Variants in GRID1 observed in about 807,000 individuals in gnomAD.
GRID1 encodes the protein glutamate ionotropic receptor delta type subunit 1.
A neutral mutation model predicts 98.0 loss-of-function variants in GRID1; 28 were observed. The observed-to-expected ratio is 0.29, with a 90% CI of 0.21 to 0.39. GRID1 has a LOEUF of 0.39. Ranked by LOEUF, GRID1 falls within the 10% of genes least tolerant of loss-of-function variation. GRID1 has a pLI of 1.00. For synonymous variants in GRID1, 553 were observed against 538.5 expected (o/e 1.03, Z -0.37); for missense variants, 1,111 against 1,340.5 (o/e 0.83, Z 2.67).
intron 3 of GRID1, among the ~76,000 whole-genome samples, chr10:86,182,010 C>G (rs888165121): frequency 6.6e-6 from 1 of 152,078 alleles, no homozygotes; most frequent in Non-Finnish European, 1.5e-5. Flanking sequence ...TGGCATGGAG[C>G]AAACAACAAA....
rs191125659 is a variant in GRID1, at chr10:85,879,450, A to G, written c.781-10270T>C. Among the ~76,000 whole-genome samples the G allele has an allele frequency of 4.5e-3, 692 of 152,334 alleles. 5 individuals carry two copies. Among genetic ancestry groups the G allele is most frequent in the African/African-American group, 0.016 (653 of 41,566 alleles). On this transcript the variant is annotated intron_variant, in intron 5 of 15. Transcript: ENST00000327946. ...CAGACCACAGTGTAATCAAACTAGA[A>G]CTCAGGATTAAGAAACTCACTCAAA...
intron 4 of GRID1, among the ~76,000 whole-genome samples, chr10:86,087,351 G>T (rs538549509): frequency 6.8e-6 from 1 of 147,878 alleles, no homozygotes; most frequent in South Asian, 2.1e-4. Flanking sequence ...TTGTGTGTGT[G>T]TGTGTGTGTG....
At chr10:85,822,032 T>G (rs1046209800) in intron 8 of GRID1, among the ~76,000 whole-genome samples, 1 of 152,092 alleles carries the variant, frequency 6.6e-6, no homozygotes, top group African/African-American at 2.4e-5. Context: ...ATACAAAAAT[T>G]AATTCAAGAT....
chr10:85,610,932 T>C (rs914618792), intron 15 of GRID1, among the ~76,000 whole-genome samples: 2 of 152,232 alleles, frequency 1.3e-5, no homozygotes, highest in African/African-American at 4.8e-5. Context: ...CCTCTCTCCA[T>C]GTGTCCTCAT....
chr10:86,122,351 A>G (rs1158740182), intron 4 of GRID1, among the ~76,000 whole-genome samples: 1 of 152,202 alleles, frequency 6.6e-6, no homozygotes, highest in African/African-American at 2.4e-5. Flanking sequence ...CCTCTGTCTG[A>G]CCCTGTCGGA....
intron 12 of GRID1, among the ~76,000 whole-genome samples, chr10:85,678,490 C>A (rs1841170568): frequency 6.6e-6 from 1 of 152,112 alleles, no homozygotes. Flanking sequence ...GGTCCAATAC[C>A]CAAAGATGAG....
chr10:85,998,559 A>AAGCTTTT (rs2131873145), intron 4 of GRID1, among the ~76,000 whole-genome samples: 1 of 152,306 alleles, frequency 6.6e-6, no homozygotes, highest in South Asian at 2.1e-4. Flanking sequence ...AAATTAACTT[A>AAGCTTTT]AGCTTTTAGC....
chr10:85,914,502 C>T (rs1841584826), intron 5 of GRID1, among the ~76,000 whole-genome samples: 1 of 152,120 alleles, frequency 6.6e-6, no homozygotes, highest in African/African-American at 2.4e-5. Context: ...CAGGAGGCGG[C>T]AGTCATGTCC....
At chr10:85,855,255 C>CCTCT (rs1442088560) in intron 7 of GRID1, among the ~76,000 whole-genome samples, 1 of 152,236 alleles carries the variant, frequency 6.6e-6, no homozygotes, top group African/African-American at 2.4e-5. Flanking sequence ...GGTCTCCATG[C>CCTCT]CTCTCTCTAC....
intron 12 of GRID1, among the ~76,000 whole-genome samples, chr10:85,663,841 A>T (rs1394597430): frequency 6.6e-6 from 1 of 152,216 alleles, no homozygotes; most frequent in African/African-American, 2.4e-5. Context: ...CATGGTCATT[A>T]TGTTGGTTAC....
At chr10:86,363,860 C>T in intron 2 of GRID1, 81 bp downstream of exon 2, 1 of 1,249,988 alleles carries the variant, frequency 8.0e-7, no homozygotes, top group Non-Finnish European at 1.1e-6. Flanking sequence ...CAGCCCAGCT[C>T]GTCCCAACCC....
At chr10:86,129,070 A>G (rs7078308) in intron 4 of GRID1, among the ~76,000 whole-genome samples, 10,924 of 152,226 alleles carry the variant, frequency 0.072, 786 homozygotes, top group African/African-American at 0.17. Flanking sequence ...CAGAAAGCCT[A>G]TATAAAATGT....
At chr10:86,349,413 C>T (rs1226796875) in intron 2 of GRID1, among the ~76,000 whole-genome samples, 1 of 152,204 alleles carries the variant, frequency 6.6e-6, no homozygotes, top group Non-Finnish European at 1.5e-5. Flanking sequence ...TACCCTCTCC[C>T]GCCCACACAG....
chr10:85,600,064 G>A lies in GRID1; in HGVS notation c.*2209C>T, dbSNP rs1221277037. The A allele has an allele frequency of 6.6e-6, 1 of 151,864 alleles. No individual in the cohort carries two copies. The highest frequency in any genetic ancestry group is 6.6e-5 in the Admixed American group (1 of 15,192). 9.4% of individuals were successfully genotyped at this position (151,864 alleles called of 1,614,324 possible). A position where few individuals can be genotyped will look rare whatever the true frequency, so the allele number is the denominator to read the frequency against. ...TACCCCAGAAGACAGGCCATCTCAG[G>A]GGGCAATGAGGAAACAGAGTTGGTG... On this transcript the variant is annotated 3_prime_UTR_variant, in exon 16 of 16. Coordinates refer to ENST00000327946, the MANE Select transcript of GRID1 (RefSeq NM_017551.3).
chr10:86,306,908 C>T (rs759421636), intron 2 of GRID1, among the ~76,000 whole-genome samples: 3 of 152,224 alleles, frequency 2.0e-5, no homozygotes, highest in Non-Finnish European at 4.4e-5. Context: ...ATACCTAACA[C>T]TGCACATAAT....
chr10:85,853,060 C>T (rs944051045), intron 8 of GRID1, among the ~76,000 whole-genome samples: 1 of 152,128 alleles, frequency 6.6e-6, no homozygotes, highest in Non-Finnish European at 1.5e-5. Context: ...CCGCACCATC[C>T]CCCACATCAC....
At chr10:86,124,075 C>G (rs1413523204) in intron 4 of GRID1, among the ~76,000 whole-genome samples, 1 of 152,200 alleles carries the variant, frequency 6.6e-6, no homozygotes, top group African/African-American at 2.4e-5. Context: ...AGCTCCCAGG[C>G]TCCCTGTCAG....
At chr10:85,876,966 G>C (rs1843339253) in intron 5 of GRID1, among the ~76,000 whole-genome samples, 1 of 152,230 alleles carries the variant, frequency 6.6e-6, no homozygotes, top group Admixed American at 6.5e-5. Context: ...TCCTGCACCT[G>C]GCTCGGAGGG....
intron 3 of GRID1, among the ~76,000 whole-genome samples, chr10:86,152,301 C>T (rs1845180357): frequency 6.6e-6 from 1 of 152,128 alleles, no homozygotes; most frequent in South Asian, 2.1e-4. Flanking sequence ...CCTTGTGTGC[C>T]CACAGAAGGA....
Sources: allele counts gnomAD v4.1 joint callset (sites outside exome capture counted in the v4.1 genomes callset), GRCh38; gene constraint gnomAD v4.1.1; transcripts MANE v1.5; gene names NCBI Gene and HGNC (gene_info 2026-07-23, HGNC 2026-07-21).